The following ARHGAP28 variants were observed in gnomAD, a reference collection of about 807,000 sequenced individuals.
ARHGAP28 encodes Rho GTPase activating protein 28.
ARHGAP28 carries 56 observed loss-of-function variants against 90.7 expected under a neutral mutation model. That is an observed-to-expected ratio of 0.62 (90% CI 0.50 to 0.77). ARHGAP28 has a LOEUF of 0.77. Among genes scored for constraint, ARHGAP28 ranks in the 30% least tolerant of loss-of-function variants. ARHGAP28 has a pLI of 0.00. For synonymous variants in ARHGAP28, 308 were observed against 323.3 expected, an observed-to-expected ratio of 0.95 and a Z score of 0.51; for missense variants, 869 against 900.9, an observed-to-expected ratio of 0.96 and a Z score of 0.45.
intron 5 of ARHGAP28, among the ~76,000 whole-genome samples, chr18:6,865,264 G>C (rs1311649083): frequency 6.6e-6 from 1 of 152,134 alleles, no homozygotes; most frequent in Non-Finnish European, 1.5e-5. Flanking sequence ...AGGTATTTAG[G>C]TTATAATTTC....
intron 1 of ARHGAP28, among the ~76,000 whole-genome samples, chr18:6,753,713 T>C (rs2056087583): frequency 6.6e-6 from 1 of 152,258 alleles, no homozygotes; most frequent in Non-Finnish European, 1.5e-5. Context: ...TTTTTAAAGT[T>C]TGAGTTCTGA....
intron 1 of ARHGAP28, among the ~76,000 whole-genome samples, chr18:6,747,579 TA>T (rs1415658096): frequency 1.3e-5 from 2 of 152,198 alleles, no homozygotes; most frequent in Non-Finnish European, 2.9e-5. Context: ...TCTATTGAAG[TA>T]ATTAAAATAT....
intron 1 of ARHGAP28, among the ~76,000 whole-genome samples, chr18:6,756,425 A>G (rs2056110380): frequency 6.6e-6 from 1 of 152,240 alleles, no homozygotes; most frequent in African/African-American, 2.4e-5. Context: ...TTAGAAGAAT[A>G]AGATACCACA....
intron 15 of ARHGAP28, among the ~76,000 whole-genome samples, chr18:6,895,838 A>G (rs1251567014): frequency 6.6e-6 from 1 of 152,198 alleles, no homozygotes; most frequent in Non-Finnish European, 1.5e-5. Context: ...AAACCATAAC[A>G]TATTTATTCT....
intron 3 of ARHGAP28, among the ~76,000 whole-genome samples, chr18:6,838,681 T>A (rs9956792): frequency 0.018 from 2,740 of 152,348 alleles, 79 homozygotes; most frequent in African/African-American, 0.062. Context: ...ACATGTAGCT[T>A]GTAGCTTATG....
intron 12 of ARHGAP28, 127 bp from the exon 13 acceptor site, chr18:6,889,761 A>G (rs946176549): frequency 2.5e-6 from 2 of 807,862 alleles, no homozygotes; most frequent in African/African-American, 3.4e-5. Flanking sequence ...GAAACATGGT[A>G]CGTTTAACCA....
At chr18:6,738,592 A>C (rs1475261459) in intron 1 of ARHGAP28, among the ~76,000 whole-genome samples, 1 of 125,688 alleles carries the variant, frequency 8.0e-6, no homozygotes, top group African/African-American at 2.7e-5. Context: ...GTGGCTAGAA[A>C]AAATTCTCAA....
In ARHGAP28 at chr18:6,795,329, G is replaced by A. The variant is rs79457864; in HGVS notation, c.123-29433G>A. On this transcript the variant is annotated intron_variant, in intron 1 of 17. Transcript: ENST00000383472. ...CAGGAGGGCACAGCCTGTGTTGATG[G>A]TGACGAGATGGGAGGATATTCTAAT... 9.5e-3 allele frequency among the ~76,000 whole-genome samples: 1,445 copies of A among 152,174 alleles called. 20 individuals are homozygous for A. Among genetic ancestry groups the A allele is most frequent in the African/African-American group, 0.032 (1,339 of 41,510 alleles).
chr18:6,737,140 T>C (rs1600139634), intron 1 of ARHGAP28, among the ~76,000 whole-genome samples: 2 of 152,224 alleles, frequency 1.3e-5, no homozygotes, highest in Non-Finnish European at 2.9e-5. Flanking sequence ...TGGAATGTTT[T>C]TCAGAAGAAA....
chr18:6,879,200 A>G (rs10163660), intron 10 of ARHGAP28, among the ~76,000 whole-genome samples: 5,550 of 152,254 alleles, frequency 0.036, 314 homozygotes, highest in African/African-American at 0.13. Flanking sequence ...TCTTTTCAAA[A>G]ATGACAGAAA....
At chr18:6,766,124 A>G (rs1390132582) in intron 1 of ARHGAP28, among the ~76,000 whole-genome samples, 1 of 152,152 alleles carries the variant, frequency 6.6e-6, no homozygotes, top group Non-Finnish European at 1.5e-5. Flanking sequence ...AATTTGGCTG[A>G]GGCTATTGTT....
intron 1 of ARHGAP28, among the ~76,000 whole-genome samples, chr18:6,798,541 C>T (rs1487640415): frequency 6.6e-6 from 1 of 152,142 alleles, no homozygotes; most frequent in Non-Finnish European, 1.5e-5. Context: ...TACGTTTCTT[C>T]AATATACAGC....
rs149703715 is a variant in ARHGAP28, at chr18:6,869,331, G to C, written c.811+1097G>C. Among the ~76,000 whole-genome samples, 691 of 138,566 alleles carry C rather than the reference G, an allele frequency of 5.0e-3. 7 individuals carry two copies. Among genetic ancestry groups the C allele is most frequent in the African/African-American group, 0.017 (646 of 36,992 alleles). 90.9% of individuals were successfully genotyped at this position (138,566 alleles called of 152,430 possible). On this transcript the variant is annotated intron_variant, in intron 6 of 17. Coordinates refer to ENST00000383472, the MANE Select transcript of ARHGAP28 (RefSeq NM_001366230.1). Reference sequence around the variant, plus strand: ...GCTGGAGTGCAGTAGCACGATCTCAGCTCACTGCAGCCTCTGCCTCTTGAG... The same window carrying C: ...GCTGGAGTGCAGTAGCACGATCTCACCTCACTGCAGCCTCTGCCTCTTGAG...
chr18:6,811,866 T>C (rs2056559493), intron 1 of ARHGAP28, among the ~76,000 whole-genome samples: 1 of 152,186 alleles, frequency 6.6e-6, no homozygotes, highest in Non-Finnish European at 1.5e-5. Flanking sequence ...TGAATTAATA[T>C]CAATCCACAT....
In ARHGAP28 at chr18:6,838,926, C is replaced by T. The variant is rs537534022; in HGVS notation, c.543+1512C>T. Among the ~76,000 whole-genome samples, 3 of 152,272 alleles carry T rather than the reference C, an allele frequency of 2.0e-5. No individual in the cohort carries two copies. The South Asian group carries it at 6.2e-4, about 32-fold the overall frequency. On this transcript the variant is annotated intron_variant, in intron 3 of 17. Coordinates refer to ENST00000383472, the MANE Select transcript of ARHGAP28 (RefSeq NM_001366230.1). ...CCTACTGTAGTAAAAGGTTGCCTTGCTGGTTTAAATTCTTTGGGCCTGACA... is the reference window on the plus strand; with the variant it reads ...CCTACTGTAGTAAAAGGTTGCCTTGTTGGTTTAAATTCTTTGGGCCTGACA...
At chr18:6,884,929 A>G (rs931204488) in intron 11 of ARHGAP28, among the ~76,000 whole-genome samples, 11 of 152,212 alleles carry the variant, frequency 7.2e-5, no homozygotes, top group Non-Finnish European at 1.5e-4. Context: ...AACCATGCCA[A>G]ATGATTCCCT....
intron 1 of ARHGAP28, among the ~76,000 whole-genome samples, chr18:6,798,414 G>A (rs1457644358): frequency 3.9e-5 from 6 of 152,122 alleles, no homozygotes; most frequent in East Asian, 1.9e-4. Flanking sequence ...GGCTGGTCTC[G>A]AACTCCTGAC....
At chr18:6,766,733 C>T (rs1372081493) in intron 1 of ARHGAP28, among the ~76,000 whole-genome samples, 1 of 152,168 alleles carries the variant, frequency 6.6e-6, no homozygotes, top group Non-Finnish European at 1.5e-5. Flanking sequence ...TTTCTATACC[C>T]AGTGTGGCTC....
chr18:6,882,727 A>G (rs565213726), intron 11 of ARHGAP28, among the ~76,000 whole-genome samples: 1 of 152,346 alleles, frequency 6.6e-6, no homozygotes, highest in Non-Finnish European at 1.5e-5. Context: ...CCTTTCTTAA[A>G]TCTGAGGTCC....
Sources: allele counts gnomAD v4.1 joint callset (sites outside exome capture counted in the v4.1 genomes callset), GRCh38; gene constraint gnomAD v4.1.1; transcripts MANE v1.5; gene names NCBI Gene and HGNC (gene_info 2026-07-23, HGNC 2026-07-21).